Variants in IL34 observed in about 807,000 individuals in gnomAD.
IL34 encodes the protein interleukin-34.
In IL34, 17 loss-of-function variants were observed where a neutral mutation model predicts 25.3. That is an observed-to-expected ratio of 0.67 (90% confidence interval 0.46 to 1.01). The LOEUF is 1.01. Ranked by LOEUF, IL34 falls within the 50% of genes least tolerant of loss-of-function variation. The pLI is 0.00. For synonymous variants in IL34, 174 were observed against 140.9 expected (o/e 1.23, Z -1.66); for missense variants, 368 against 312.9 (o/e 1.18, Z -1.33).
At chr16:70,644,711 G>A (rs80026375), upstream of IL34, among the ~76,000 whole-genome samples, 3,146 of 141,706 alleles carry the variant, frequency 0.022, 151 homozygotes, top group African/African-American at 0.089. Flanking sequence ...GGAGGAGGAG[G>A]GGGAGGAGGA....
chr16:70,632,962 GTC>G (rs1322402468), intron 1 of IL34, among the ~76,000 whole-genome samples: 1 of 148,562 alleles, frequency 6.7e-6, no homozygotes, highest in African/African-American at 2.5e-5. Flanking sequence ...CTTAAAATGT[GTC>G]TTATCAGGAC....
chr16:70,597,995 C>G (rs1474649862), intron 1 of IL34, among the ~76,000 whole-genome samples: 2 of 152,186 alleles, frequency 1.3e-5, no homozygotes, highest in South Asian at 2.1e-4. Flanking sequence ...CAGGTGCCCG[C>G]CACCATGTCT....
At chr16:70,640,297 A>G (rs1376696123) in intron 1 of IL34, among the ~76,000 whole-genome samples, 1 of 152,000 alleles carries the variant, frequency 6.6e-6, no homozygotes, top group Non-Finnish European at 1.5e-5. Context: ...GCACACCACC[A>G]TGCCCGGCTA....
At chr16:70,621,358 A>G (rs1390666470) in intron 1 of IL34, among the ~76,000 whole-genome samples, 1 of 152,150 alleles carries the variant, frequency 6.6e-6, no homozygotes, top group Non-Finnish European at 1.5e-5. Flanking sequence ...CTCCCAGAAA[A>G]TGAAAGGAAT....
rs926637675 is a variant in IL34, at chr16:70,660,443, C to A, written c.*256C>A. Reference sequence around the variant, plus strand: ...GATGGGGACACAGCTCCTGGCTTCTCCTGGTGCTGCCCTCACTGTCCCCCC... The same window carrying A: ...GATGGGGACACAGCTCCTGGCTTCTACTGGTGCTGCCCTCACTGTCCCCCC... On this transcript the variant is annotated 3_prime_UTR_variant, in exon 6 of 6. Transcript: ENST00000288098. 2.3e-6 allele frequency: 1 copy of A among 426,116 alleles called. No individual in the cohort carries two copies. Among genetic ancestry groups the A allele is most frequent in the East Asian group, 3.8e-5 (1 of 26,480 alleles). 26.4% of individuals were successfully genotyped at this position (426,116 alleles called of 1,614,324 possible).
At chr16:70,638,356 A>G (rs1404529715) in intron 1 of IL34, among the ~76,000 whole-genome samples, 1 of 152,068 alleles carries the variant, frequency 6.6e-6, no homozygotes, top group African/African-American at 2.4e-5. Context: ...GTGCACACCT[A>G]TAGTCCCAGC....
chr16:70,656,772 C>T, intron 3 of IL34, 93 bp downstream of exon 3: 1 of 954,428 alleles, frequency 1.0e-6, no homozygotes, highest in South Asian at 1.3e-5. Context: ...GCAGGTGGTG[C>T]TGCTGGCCTG....
chr16:70,590,290 A>G (rs943221892), intron 1 of IL34, among the ~76,000 whole-genome samples: 8 of 152,176 alleles, frequency 5.3e-5, no homozygotes, highest in Admixed American at 1.3e-4. Flanking sequence ...ACTAAGGGGC[A>G]GTTGTAGGGA....
chr16:70,659,980 T>TTC lies in IL34; in HGVS notation c.539-17_539-16insTC, dbSNP rs397711055. ...AACACTGCTGCAGTCTTTTTTTTTT[T>TTC]CCCCTATCTCTTGCAGGTAAACAAA... On this transcript the variant is annotated splice_polypyrimidine_tract_variant and intron_variant, in intron 5 of 5. Transcript: ENST00000288098. 55 of 1,550,082 alleles carry TTC rather than the reference T, an allele frequency of 3.5e-5. No homozygotes were observed. The East Asian group carries it at 1.0e-3, about 29-fold the overall frequency.
chr16:70,634,095 C>T (rs2051583687), intron 1 of IL34, among the ~76,000 whole-genome samples: 1 of 152,028 alleles, frequency 6.6e-6, no homozygotes, highest in Non-Finnish European at 1.5e-5. Flanking sequence ...AAGTGATCTG[C>T]CCGCCTCGGC....
intron 1 of IL34, among the ~76,000 whole-genome samples, chr16:70,601,812 T>C (rs1005383496): frequency 6.6e-6 from 1 of 152,248 alleles, no homozygotes; most frequent in African/African-American, 2.4e-5. Flanking sequence ...AGGGGCCTTC[T>C]CATGGCCCTG....
chr16:70,640,480 C>G (rs964167993), intron 1 of IL34, among the ~76,000 whole-genome samples: 1 of 151,558 alleles, frequency 6.6e-6, no homozygotes, highest in African/African-American at 2.4e-5. Context: ...AAAAGTTAGC[C>G]GGGTGTGGTG....
intron 1 of IL34, among the ~76,000 whole-genome samples, chr16:70,631,598 A>AGCCCAGAGACT (rs2051519129): frequency 6.6e-6 from 1 of 152,208 alleles, no homozygotes; most frequent in South Asian, 2.1e-4. Flanking sequence ...CTGTTATAAA[A>AGCCCAGAGACT]CTAAACTTGG....
chr16:70,659,417 A>G lies in IL34; in HGVS notation c.403-201A>G, dbSNP rs376543316. 5.3e-5 allele frequency among the ~76,000 whole-genome samples: 8 copies of G among 152,168 alleles called. No individual in the cohort carries two copies. The South Asian group carries it at 1.0e-3, about 20-fold the overall frequency. ...GAAAAGCGAAGCCTCTGAGTTGTACATGGGTGAGTGGTGGCATCTGGGACC... is the reference window on the plus strand; with the variant it reads ...GAAAAGCGAAGCCTCTGAGTTGTACGTGGGTGAGTGGTGGCATCTGGGACC... On this transcript the variant is annotated intron_variant, in intron 4 of 5. Coordinates refer to ENST00000288098, the MANE Select transcript of IL34 (RefSeq NM_001393494.1).
chr16:70,644,706 AGGAG>A (rs1194984556), upstream of IL34, among the ~76,000 whole-genome samples: 1 of 68,358 alleles, frequency 1.5e-5, no homozygotes, highest in Non-Finnish European at 2.8e-5. Flanking sequence ...GAGGAGGAGG[AGGAG>A]GGGGAGGAGG....
In IL34 at chr16:70,625,684, C is replaced by T. The variant is rs150304178; in HGVS notation, c.-400-20864C>T. On this transcript the variant is annotated intron_variant, in intron 1 of 6. Transcript: ENST00000429149. ...CCAAGGGAAGGCTGCCTTCCCAGTC[C>T]GTGACAGGCGCTGGAGTTTTGGGTC... is the stretch of plus-strand genomic sequence containing the variant. Among the ~76,000 whole-genome samples the T allele has an allele frequency of 5.8e-3, 886 of 152,214 alleles. 4 individuals are homozygous for T. The highest frequency in any genetic ancestry group is 0.02 in the African/African-American group (824 of 41,550).
At chr16:70,628,146 G>A (rs2051436908) in intron 1 of IL34, among the ~76,000 whole-genome samples, 1 of 152,152 alleles carries the variant, frequency 6.6e-6, no homozygotes, top group African/African-American at 2.4e-5. Context: ...GGGTGTGTGT[G>A]TAGTGGTAAT....
chr16:70,617,735 G>A (rs1158465994), intron 1 of IL34, among the ~76,000 whole-genome samples: 1 of 152,088 alleles, frequency 6.6e-6, no homozygotes, highest in Non-Finnish European at 1.5e-5. Context: ...AGGACCGTAA[G>A]GGATATAAAG....
chr16:70,656,513 A>T, intron 2 of IL34, 89 bp from the exon 3 acceptor site: 1 of 822,638 alleles, frequency 1.2e-6, no homozygotes, highest in Non-Finnish European at 2.2e-6. Flanking sequence ...AGTGAGACTA[A>T]CTGTTAAAAA....
Sources: allele counts gnomAD v4.1 joint callset (sites outside exome capture counted in the v4.1 genomes callset), GRCh38; gene constraint gnomAD v4.1.1; transcripts MANE v1.5; gene names NCBI Gene and HGNC (gene_info 2026-07-23, HGNC 2026-07-21).